Variants in KDM4C observed in about 807,000 individuals in gnomAD.
KDM4C encodes the protein lysine demethylase 4C.
Under a neutral mutation model 129.3 loss-of-function variants are expected in KDM4C, and 81 were observed. That is an observed-to-expected ratio of 0.63 (90% CI 0.52 to 0.75). KDM4C has a LOEUF of 0.75. KDM4C is among the 30% of genes least tolerant of loss of function. KDM4C has a pLI of 0.00. For synonymous variants in KDM4C, 573 were observed against 456.1 expected, an observed-to-expected ratio of 1.26 and a Z score of -3.26; for missense variants, 1,457 against 1,304.0, an observed-to-expected ratio of 1.12 and a Z score of -1.81.
intron 8 of KDM4C, among the ~76,000 whole-genome samples, chr9:6,955,511 A>G (rs1463044133): frequency 6.6e-6 from 1 of 152,174 alleles, no homozygotes; most frequent in Non-Finnish European, 1.5e-5. Context: ...TCACATAATC[A>G]TTCAGCCCTC....
At chr9:6,762,926 G>A (rs751013403) in intron 1 of KDM4C, among the ~76,000 whole-genome samples, 1 of 151,764 alleles carries the variant, frequency 6.6e-6, no homozygotes, top group Non-Finnish European at 1.5e-5. Flanking sequence ...CCAAATTACT[G>A]GGGGATTACA....
intron 17 of KDM4C, among the ~76,000 whole-genome samples, chr9:7,065,313 A>G (rs979696493): frequency 2.0e-5 from 3 of 152,096 alleles, no homozygotes; most frequent in African/African-American, 7.2e-5. Context: ...TTCTTTAATA[A>G]TAAAATGTTT....
intron 1 of KDM4C, among the ~76,000 whole-genome samples, chr9:6,739,628 G>C (rs1398399071): frequency 6.7e-6 from 1 of 148,706 alleles, no homozygotes; most frequent in Non-Finnish European, 1.5e-5. Flanking sequence ...TGATATGCAG[G>C]GTAGATTTTT....
intron 12 of KDM4C, among the ~76,000 whole-genome samples, chr9:6,997,293 A>G (rs983813335): frequency 6.6e-6 from 1 of 152,208 alleles, no homozygotes; most frequent in Non-Finnish European, 1.5e-5. Context: ...GAACTAGGAA[A>G]CTAAAGGGCC....
At chr9:6,881,090 G>T (rs188754920) in intron 6 of KDM4C, among the ~76,000 whole-genome samples, 3 of 152,314 alleles carry the variant, frequency 2.0e-5, no homozygotes, top group Admixed American at 6.5e-5. Flanking sequence ...ATTAGGAAAA[G>T]AATTTTGTTC....
chr9:6,904,737 T>C (rs1392859917), intron 8 of KDM4C, among the ~76,000 whole-genome samples: 1 of 152,230 alleles, frequency 6.6e-6, no homozygotes, highest in Non-Finnish European at 1.5e-5. Context: ...GAATGTATTT[T>C]TAAGAAAAAC....
At chr9:6,901,970 G>A (rs1428634810) in intron 8 of KDM4C, among the ~76,000 whole-genome samples, 1 of 152,146 alleles carries the variant, frequency 6.6e-6, no homozygotes, top group Non-Finnish European at 1.5e-5. Flanking sequence ...AATATCTGAG[G>A]ATAAGGGACA....
At chr9:6,965,876 C>G (rs115103316) in intron 8 of KDM4C, among the ~76,000 whole-genome samples, 1,638 of 152,284 alleles carry the variant, frequency 0.011, 32 homozygotes, top group African/African-American at 0.037. Flanking sequence ...TAATATCTTA[C>G]TACATTTCTG....
chr9:6,785,379 C>G (rs967343847), intron 1 of KDM4C, among the ~76,000 whole-genome samples: 10 of 151,056 alleles, frequency 6.6e-5, no homozygotes, highest in Admixed American at 2.6e-4. Flanking sequence ...CTCTGTCACA[C>G]AGGCTGGAGT....
intron 1 of KDM4C, among the ~76,000 whole-genome samples, chr9:6,769,297 G>T (rs915298217): frequency 2.0e-5 from 3 of 151,966 alleles, no homozygotes; most frequent in Non-Finnish European, 4.4e-5. Context: ...GTGGAGAGAA[G>T]ATTTGTTCCT....
intron 5 of KDM4C, among the ~76,000 whole-genome samples, chr9:6,873,316 A>T (rs760827985): frequency 2.0e-5 from 3 of 152,120 alleles, no homozygotes; most frequent in Non-Finnish European, 4.4e-5. Context: ...TGAAGCTTTG[A>T]AGCCAGGCAT....
chr9:7,122,259 A>ACTCTCTCTCTCT lies in KDM4C; in HGVS notation c.2611-5806_2611-5805insTCTCTCTCTCTC, dbSNP rs1252407890. Among the ~76,000 whole-genome samples the ACTCTCTCTCTCT allele has an allele frequency of 3.3e-4, 33 of 100,550 alleles. No homozygotes were observed. The Admixed American group carries it at 3.8e-3, about 11-fold the overall frequency. The allele number at this position is 100,550 out of a possible 152,430, so 66.0% of individuals were successfully genotyped here. A position where few individuals can be genotyped will look rare whatever the true frequency, so the allele number is the denominator to read the frequency against. On this transcript the variant is annotated intron_variant, in intron 18 of 21. Transcript: ENST00000381309. Reference sequence around the variant, plus strand: ...AGATGCCACACACACACACACACACACACACACTCTCTCTCTCTCTCTCTC... The same window carrying ACTCTCTCTCTCT: ...AGATGCCACACACACACACACACACACTCTCTCTCTCTCACACACTCTCTCTCTCTCTCTCTC...
intron 21 of KDM4C, chr9:7,170,225 G>T (rs1032907589): frequency 1.0e-5 from 12 of 1,186,668 alleles, no homozygotes; most frequent in Middle Eastern, 3.7e-4. Context: ...TTGCAATCTT[G>T]TTAGTAGAAG....
intron 1 of KDM4C, among the ~76,000 whole-genome samples, chr9:6,748,525 G>C (rs1467996401): frequency 6.7e-6 from 1 of 149,372 alleles, no homozygotes; most frequent in East Asian, 1.9e-4. Flanking sequence ...AAAAAAAAAA[G>C]ATTTATTATT....
intron 8 of KDM4C, among the ~76,000 whole-genome samples, chr9:6,965,754 T>A (rs1362631257): frequency 1.3e-5 from 2 of 152,184 alleles, no homozygotes; most frequent in Non-Finnish European, 2.9e-5. Context: ...TTTCAGCTTG[T>A]TAGATGGAGC....
At chr9:6,858,491 T>C (rs1053008925) in intron 5 of KDM4C, among the ~76,000 whole-genome samples, 8 of 152,182 alleles carry the variant, frequency 5.3e-5, no homozygotes, top group South Asian at 2.1e-4. Context: ...GCATTAATGC[T>C]GTTCACCTCG....
Position 6,758,306 on chromosome 9 carries a change from C to T in KDM4C, c.-18+103C>T, listed in dbSNP as rs1185240743. The T allele has an allele frequency of 4.3e-6, 3 of 694,884 alleles. No individual in the cohort carries two copies. Among genetic ancestry groups the T allele is most frequent in the Non-Finnish European group, 5.3e-6 (3 of 565,002 alleles). 43.0% of individuals were successfully genotyped at this position (694,884 alleles called of 1,614,324 possible). A position where few individuals can be genotyped will look rare whatever the true frequency, so the allele number is the denominator to read the frequency against. ...CGTGGGGCACGGGGGTGCGGGCGTCCGGGCGAGCGGCGACGCTGGGGCAGA... is the reference window on the plus strand; with the variant it reads ...CGTGGGGCACGGGGGTGCGGGCGTCTGGGCGAGCGGCGACGCTGGGGCAGA... On this transcript the variant is annotated intron_variant, in intron 1 of 21. Coordinates refer to ENST00000381309, the MANE Select transcript of KDM4C (RefSeq NM_015061.6). The surrounding 1 kb of genome is among the most constrained non-coding windows in gnomAD (Gnocchi z 4.6).
intron 17 of KDM4C, among the ~76,000 whole-genome samples, chr9:7,059,648 A>G (rs1404853614): frequency 6.6e-6 from 1 of 152,236 alleles, no homozygotes; most frequent in Non-Finnish European, 1.5e-5. Context: ...GTCAAACCAC[A>G]TAGTCTTCAT....
At chr9:6,853,104 T>A (rs986101199) in intron 5 of KDM4C, among the ~76,000 whole-genome samples, 1 of 152,108 alleles carries the variant, frequency 6.6e-6, no homozygotes, top group Non-Finnish European at 1.5e-5. Flanking sequence ...AGCGATGCCC[T>A]GTAAAGAATT....
Sources: gnomAD v4.1 joint callset for allele counts (sites outside exome capture counted in the v4.1 genomes callset) on GRCh38, gnomAD v4.1.1 for gene constraint, Gnocchi (gnomAD v3.1) non-coding constraint, MANE v1.5 for transcripts, NCBI Gene and HGNC (gene_info 2026-07-23, HGNC 2026-07-21) for gene names.